USP54: variants seen among roughly 807,000 people sequenced by gnomAD.
USP54 encodes ubiquitin specific peptidase 54.
USP54 carries 87 observed loss-of-function variants against 170.5 expected under a neutral mutation model. The ratio of observed to expected loss-of-function variants is 0.51; its 90% CI spans 0.43 to 0.61. USP54 has a LOEUF of 0.61. USP54 is among the 20% of genes least tolerant of loss of function. The pLI is 0.00. For synonymous variants in USP54, 655 were observed against 742.8 expected (o/e 0.88, Z 1.92); for missense variants, 1,786 against 2,047.8 (o/e 0.87, Z 2.47).
intron 19 of USP54, chr10:73,519,540 C>A: frequency 2.0e-6 from 1 of 504,018 alleles, no homozygotes; most frequent in South Asian, 2.5e-5. Flanking sequence ...TACACAAGTC[C>A]AGGGCTAAAG....
chr10:73,517,449 C>T lies in USP54; in HGVS notation c.2977G>A (p.Asp993Asn), dbSNP rs1486891470. Residue 993 changes from aspartate to asparagine, a missense_variant, in exon 20 of 24, where the codon GAT becomes AAT. By Grantham distance (23) the Asp-to-Asn change is conservative. This residue lies in a region of USP54 where 1,418 missense variants were observed against 1,569.0 expected (regional missense o/e 0.90). Transcript: ENST00000687698. ...CCTTGCAGCTTACCCTCTGGGGCATCCAATGGCTCCCAACTATGATGAGAA... is the reference window on the plus strand; with the variant it reads ...CCTTGCAGCTTACCCTCTGGGGCATTCAATGGCTCCCAACTATGATGAGAA... ...KNSHHSWEPL[D>N]APEGKLQGSR... 1.2e-6 allele frequency: 2 copies of T among 1,614,208 alleles called. No individual in the cohort carries two copies. The highest frequency in any genetic ancestry group is 1.7e-6 in the Non-Finnish European group (2 of 1,180,032).
chr10:73,582,485 G>T (rs541259824), intron 1 of USP54, among the ~76,000 whole-genome samples: 2 of 151,666 alleles, frequency 1.3e-5, no homozygotes, highest in African/African-American at 4.8e-5. Flanking sequence ...TCCACCTCCC[G>T]GGTTCAAGCA....
chr10:73,511,906 C>A (rs1055754252), intron 20 of USP54, among the ~76,000 whole-genome samples: 25 of 151,210 alleles, frequency 1.7e-4, no homozygotes, highest in Non-Finnish European at 3.4e-4. Context: ...CAATACCCGG[C>A]TAATTTTTTT....
intron 1 of USP54, among the ~76,000 whole-genome samples, chr10:73,604,600 T>TC (rs1441316894): frequency 2.0e-5 from 3 of 150,740 alleles, no homozygotes; most frequent in Admixed American, 2.0e-4. Context: ...AAATTTTTTT[T>TC]TTTTTTTTGA....
intron 4 of USP54, among the ~76,000 whole-genome samples, chr10:73,564,849 G>A (rs2073905285): frequency 6.7e-6 from 1 of 150,298 alleles, no homozygotes; most frequent in Admixed American, 6.7e-5. Context: ...GATGACTTGA[G>A]GCCAGGAATT....
At chr10:73,573,630 G>A (rs532396786) in intron 3 of USP54, among the ~76,000 whole-genome samples, 4 of 152,264 alleles carry the variant, frequency 2.6e-5, no homozygotes, top group African/African-American at 7.2e-5. Flanking sequence ...CCAGCGTGGT[G>A]GTGCACAGCC....
chr10:73,543,007 C>G lies in USP54; in HGVS notation c.489+11G>C. On this transcript the variant is annotated intron_variant, in intron 6 of 23. Transcript: ENST00000687698. ...AAGAAATGTCTAAAAAAAGATGGAG[C>G]TAGAGTTCACCTGCTCAAACAATGT... 1 of 1,612,760 alleles carries G rather than the reference C, an allele frequency of 6.2e-7. No individual in the cohort carries two copies. Among genetic ancestry groups the G allele is most frequent in the Admixed American group, 1.7e-5 (1 of 60,020 alleles).
chr10:73,571,137 C>CAAA lies in USP54; in HGVS notation c.240+281_240+283dup, dbSNP rs59126730. 1.6e-4 allele frequency among the ~76,000 whole-genome samples: 7 copies of CAAA among 44,312 alleles called. 1 individual carries two copies. The highest frequency in any genetic ancestry group is 3.2e-4 in the Admixed American group (1 of 3,088). 29.1% of individuals were successfully genotyped at this position (44,312 alleles called of 152,430 possible). A position where few individuals can be genotyped will look rare whatever the true frequency, so the allele number is the denominator to read the frequency against. The stretch of plus-strand genomic sequence containing the variant: ...TGGGTGACAGAGTGAGACTTCATCC[C>CAAA]AAAAAAAAAAAAAAAAAAAAAAAAA... On this transcript the variant is annotated intron_variant, in intron 4 of 23. Transcript: ENST00000687698.
At chr10:73,548,234 G>A (rs183700852) in intron 4 of USP54, among the ~76,000 whole-genome samples, 1 of 152,178 alleles carries the variant, frequency 6.6e-6, no homozygotes, top group Admixed American at 6.5e-5. Context: ...GGAAACAACA[G>A]ATGCTGGAGA....
intron 22 of USP54, among the ~76,000 whole-genome samples, chr10:73,502,168 G>A (rs556351044): frequency 6.6e-6 from 1 of 152,282 alleles, no homozygotes; most frequent in African/African-American, 2.4e-5. Flanking sequence ...GAGACTGCAA[G>A]CTACTCAAGG....
chr10:73,571,324 C>A, intron 4 of USP54, 97 bp downstream of exon 4: 1 of 1,011,034 alleles, frequency 9.9e-7, no homozygotes. Context: ...AATTCAGTAA[C>A]AAATTCTTTG....
chr10:73,534,461 C>A (rs745798307), intron 12 of USP54, 139 bp downstream of exon 12: 52 of 890,652 alleles, frequency 5.8e-5, no homozygotes, highest in Non-Finnish European at 8.4e-5. Flanking sequence ...ATCCACCCAC[C>A]TTGGCCGCCC....
intron 4 of USP54, among the ~76,000 whole-genome samples, chr10:73,556,908 G>A (rs897223638): frequency 2.6e-5 from 4 of 152,050 alleles, no homozygotes; most frequent in South Asian, 2.1e-4. Context: ...ACCATTCCCA[G>A]GCTTTTATGC....
chr10:73,595,681 T>C (rs1014836366), upstream of USP54, among the ~76,000 whole-genome samples: 1 of 152,200 alleles, frequency 6.6e-6, no homozygotes, highest in Non-Finnish European at 1.5e-5. Flanking sequence ...ATTATGTCAT[T>C]ATGAACATTA....
intron 9 of USP54, among the ~76,000 whole-genome samples, chr10:73,540,549 G>A (rs188931294): frequency 1.2e-4 from 19 of 152,256 alleles, no homozygotes; most frequent in Admixed American, 7.2e-4. Context: ...CAGCCTGGGC[G>A]ACAGAGCAAG....
At chr10:73,585,432 G>T (rs1349812665) in intron 1 of USP54, among the ~76,000 whole-genome samples, 1 of 152,186 alleles carries the variant, frequency 6.6e-6, no homozygotes, top group Non-Finnish European at 1.5e-5. Context: ...TTACGATCAT[G>T]ACAGACCGCA....
At position 73,567,468 on chromosome 10, in the gene USP54, C is replaced by T. The variant is rs944340712; in HGVS notation, c.240+3953G>A. On this transcript the variant is annotated intron_variant, in intron 4 of 23. Coordinates refer to ENST00000687698, the MANE Select transcript of USP54 (RefSeq NM_001391956.1). ...GGTGGATCACCTGAGGTCAGGAGTT[C>T]GGGACCAGCCTGGCCAACATGGTGA... Among the ~76,000 whole-genome samples the T allele has an allele frequency of 1.6e-4, 25 of 151,956 alleles. 1 individual carries two copies. The highest frequency in any genetic ancestry group is 7.4e-5 in the Non-Finnish European group (5 of 67,988).
intron 15 of USP54, among the ~76,000 whole-genome samples, chr10:73,528,764 G>C (rs569448774): frequency 2.0e-5 from 3 of 152,092 alleles, no homozygotes; most frequent in Non-Finnish European, 4.4e-5. Flanking sequence ...GATTACAGGC[G>C]TGAGCCAACA....
At chr10:73,571,370 A>C (rs751555887) in intron 4 of USP54, 51 bp downstream of exon 4, 22 of 1,495,950 alleles carry the variant, frequency 1.5e-5, no homozygotes, top group Non-Finnish European at 2.0e-5. Flanking sequence ...CTTGATATTG[A>C]CCATTTGGCC....
Sources: gnomAD v4.1 joint callset for allele counts (sites outside exome capture counted in the v4.1 genomes callset) on GRCh38, gnomAD v4.1.1 for gene constraint, gnomAD v4.1.1 regional missense constraint, MANE v1.5 for transcripts, NCBI Gene and HGNC (gene_info 2026-07-23, HGNC 2026-07-21) for gene names.